The following ACTR3C variants were observed in gnomAD, a reference collection of about 807,000 sequenced individuals.
ACTR3C encodes the protein actin related protein 3C.
A neutral mutation model predicts 26.3 loss-of-function variants in ACTR3C; 18 were observed. That is an observed-to-expected ratio of 0.68 (90% CI 0.47 to 1.01). The LOEUF (loss-of-function observed/expected upper bound fraction) is 1.01. Ranked by LOEUF, ACTR3C falls within the 50% of genes least tolerant of loss-of-function variation. The pLI, the probability that ACTR3C is intolerant of heterozygous loss-of-function variation, is 0.00. For synonymous variants in ACTR3C, 55 were observed against 94.5 expected (o/e 0.58, Z 2.42); for missense variants, 184 against 250.7 (o/e 0.73, Z 1.80).
the ACTR3C span, among the ~76,000 whole-genome samples, chr7:149,913,912 G>T: frequency 1.5e-5 from 2 of 130,340 alleles, no homozygotes; most frequent in Non-Finnish European, 3.1e-5. Context: ...TTTTGAGACA[G>T]TCTCACTCTG....
the ACTR3C span, among the ~76,000 whole-genome samples, chr7:150,238,650 G>A: frequency 6.9e-6 from 1 of 145,558 alleles, no homozygotes; most frequent in African/African-American, 2.7e-5. Flanking sequence ...GCTACTCTCT[G>A]GTAAAGTCAT....
At chr7:150,140,004 T>TCACACACACATG in the ACTR3C span, among the ~76,000 whole-genome samples, 323 of 151,622 alleles carry the variant, frequency 2.1e-3, no homozygotes, top group African/African-American at 7.6e-3. Flanking sequence ...GCACACACAT[T>TCACACACACATG]CACACACACA....
chr7:150,012,125 C>A, the ACTR3C span, among the ~76,000 whole-genome samples: 1 of 152,128 alleles, frequency 6.6e-6, no homozygotes, highest in Admixed American at 6.5e-5. Context: ...GATGGAGAAA[C>A]TATATCAGCC....
At chr7:149,972,574 C>T in the ACTR3C span, among the ~76,000 whole-genome samples, 1 of 152,164 alleles carries the variant, frequency 6.6e-6, no homozygotes, top group African/African-American at 2.4e-5. Flanking sequence ...CTCTCACCCT[C>T]CTCCCCTGCT....
chr7:150,138,957 C>G, the ACTR3C span, among the ~76,000 whole-genome samples: 12 of 152,426 alleles, frequency 7.9e-5, no homozygotes, highest in East Asian at 2.3e-3. Context: ...GTCACTGTCT[C>G]CCATCATCCC....
At chr7:150,281,596 A>G (rs1835348969) in intron 6 of ACTR3C, among the ~76,000 whole-genome samples, 1 of 150,914 alleles carries the variant, frequency 6.6e-6, no homozygotes, top group Non-Finnish European at 1.5e-5. Context: ...GGCTGTGAGC[A>G]GAGCTCGGCA....
the ACTR3C span, among the ~76,000 whole-genome samples, chr7:149,886,522 C>T: frequency 6.6e-6 from 1 of 152,156 alleles, no homozygotes; most frequent in Non-Finnish European, 1.5e-5. Flanking sequence ...GACACTGGCA[C>T]TCCAGATACT....
chr7:149,950,401 C>T, the ACTR3C span, among the ~76,000 whole-genome samples: 1 of 147,652 alleles, frequency 6.8e-6, no homozygotes, highest in African/African-American at 2.7e-5. Context: ...ACTCACTGTC[C>T]CAGGAGGACA....
At chr7:150,049,028 C>G in the ACTR3C span, among the ~76,000 whole-genome samples, 1 of 152,094 alleles carries the variant, frequency 6.6e-6, no homozygotes, top group Non-Finnish European at 1.5e-5. Context: ...CGCAACTTTT[C>G]CAAAGCCTGC....
At chr7:150,060,214 T>C in the ACTR3C span, among the ~76,000 whole-genome samples, 1 of 152,046 alleles carries the variant, frequency 6.6e-6, no homozygotes, top group African/African-American at 2.4e-5. Flanking sequence ...GCAGAGTCTA[T>C]GTTGCAGGTC....
chr7:150,114,533 G>T, the ACTR3C span, among the ~76,000 whole-genome samples: 1 of 152,094 alleles, frequency 6.6e-6, no homozygotes, highest in Admixed American at 6.5e-5. Flanking sequence ...AAAAGGCACT[G>T]AAAATTTCCG....
chr7:150,039,627 A>G, the ACTR3C span, among the ~76,000 whole-genome samples: 1 of 141,582 alleles, frequency 7.1e-6, no homozygotes, highest in African/African-American at 2.6e-5. Flanking sequence ...TTCTACTTGG[A>G]CAACTAACAC....
At chr7:150,036,166 C>CT in the ACTR3C span, among the ~76,000 whole-genome samples, 1 of 130,062 alleles carries the variant, frequency 7.7e-6, no homozygotes. Context: ...GTGCCTCCCC[C>CT]CCCGCGATGG....
chr7:150,285,942 C>T (rs997705083), intron 5 of ACTR3C, among the ~76,000 whole-genome samples: 2 of 152,146 alleles, frequency 1.3e-5, no homozygotes, highest in Non-Finnish European at 2.9e-5. Context: ...GCAGGACCAA[C>T]TGTCCAGGGT....
At chr7:150,229,464 G>A in the ACTR3C span, among the ~76,000 whole-genome samples, 23 of 151,508 alleles carry the variant, frequency 1.5e-4, 2 homozygotes, top group South Asian at 4.8e-3. Flanking sequence ...TCTCTAACTT[G>A]TTGATGTAGC....
At chr7:150,170,192 C>A in the ACTR3C span, among the ~76,000 whole-genome samples, 1 of 150,214 alleles carries the variant, frequency 6.7e-6, no homozygotes. Flanking sequence ...TGGTGTCATA[C>A]ACATTGTTCC....
the ACTR3C span, among the ~76,000 whole-genome samples, chr7:150,009,897 T>C: frequency 2.2e-4 from 34 of 152,370 alleles, no homozygotes; most frequent in Middle Eastern, 3.4e-3. Context: ...CCAACCCATA[T>C]TCAGTCCTTC....
At chr7:150,149,649 A>C in the ACTR3C span, among the ~76,000 whole-genome samples, 1 of 151,912 alleles carries the variant, frequency 6.6e-6, no homozygotes, top group Non-Finnish European at 1.5e-5. Flanking sequence ...AGCTTCATCC[A>C]TGTTCCTACA....
chr7:149,884,650 T>C, the ACTR3C span, among the ~76,000 whole-genome samples: 6 of 151,302 alleles, frequency 4.0e-5, no homozygotes, highest in Non-Finnish European at 7.4e-5. Flanking sequence ...AATTCTGGGA[T>C]GGAAGCCATG....
Sources: allele counts gnomAD v4.1 joint callset (sites outside exome capture counted in the v4.1 genomes callset), GRCh38; gene constraint gnomAD v4.1.1; transcripts MANE v1.5; gene names NCBI Gene and HGNC (gene_info 2026-07-23, HGNC 2026-07-21).